Variants in SECISBP2 observed in about 807,000 individuals in gnomAD.
SECISBP2 encodes the protein selenocysteine insertion sequence-binding protein 2.
SECISBP2 carries 96 observed loss-of-function variants against 98.2 expected under a neutral mutation model. The ratio of observed to expected loss-of-function variants is 0.98; its 90% CI spans 0.83 to 1.16. The LOEUF (loss-of-function observed/expected upper bound fraction) is 1.16. Ranked by LOEUF, SECISBP2 falls within the 50% of genes most tolerant of loss-of-function variation. The pLI, the probability that SECISBP2 is intolerant of heterozygous loss-of-function variation, is 0.00. For synonymous variants in SECISBP2, 407 were observed against 370.2 expected (o/e 1.10, Z -1.14); for missense variants, 1,046 against 1,022.9 (o/e 1.02, Z -0.31).
At chr9:89,344,644 GT>G (rs1217038202) in intron 10 of SECISBP2, among the ~76,000 whole-genome samples, 2 of 151,982 alleles carry the variant, frequency 1.3e-5, no homozygotes, top group Admixed American at 6.6e-5. Flanking sequence ...GGTGTTAAAT[GT>G]TTTTAGAGTA....
At chr9:89,363,740 C>T, downstream of SECISBP2, 1 of 1,611,528 alleles carries the variant, frequency 6.2e-7, no homozygotes, top group Non-Finnish European at 8.5e-7. Flanking sequence ...GAATCACTTA[C>T]CAGGTCTCAT....
chr9:89,364,258 G>A (rs1833229287), downstream of SECISBP2: 7 of 452,348 alleles, frequency 1.5e-5, no homozygotes, highest in Non-Finnish European at 2.8e-5. Context: ...CTTACAGAAT[G>A]GTTCTGGGCC....
intron 14 of SECISBP2, chr9:89,354,904 T>C: frequency 1.0e-6 from 1 of 985,436 alleles, no homozygotes; most frequent in African/African-American, 1.7e-5. Context: ...GATTTCACTG[T>C]AAGTATACCT....
At chr9:89,339,829 A>T in intron 8 of SECISBP2, 35 bp from the exon 9 acceptor site, 2 of 1,474,600 alleles carry the variant, frequency 1.4e-6, no homozygotes, top group Non-Finnish European at 1.9e-6. Flanking sequence ...TGTTTGCATT[A>T]ACAAAAGAGC....
In SECISBP2 at chr9:89,355,324, C is replaced by G. The variant is rs1042504680; in HGVS notation, c.2114-2087C>G. ...TACAATGCTGTGTGCCTTGGTAACTCGAAAGCATATGCTGTGCCTTCCTCC... is the reference window on the plus strand; with the variant it reads ...TACAATGCTGTGTGCCTTGGTAACTGGAAAGCATATGCTGTGCCTTCCTCC... On this transcript the variant is annotated intron_variant, in intron 14 of 16. Coordinates refer to ENST00000375807, the MANE Select transcript of SECISBP2 (RefSeq NM_024077.5). The G allele has an allele frequency of 8.1e-6, 8 of 985,296 alleles. No homozygotes were observed. In the South Asian group the frequency reaches 2.3e-4, roughly 29 times the overall value. The allele number at this position is 985,296 out of a possible 1,614,324, so 61.0% of individuals were successfully genotyped here. A position where few individuals can be genotyped will look rare whatever the true frequency, so the allele number is the denominator to read the frequency against.
At chr9:89,326,728 T>C (rs1450596481) in intron 4 of SECISBP2, among the ~76,000 whole-genome samples, 1 of 152,218 alleles carries the variant, frequency 6.6e-6, no homozygotes, top group African/African-American at 2.4e-5. Flanking sequence ...AGAGTGTACT[T>C]ACACAGACCT....
At chr9:89,335,338 A>G (rs1004590196) in intron 7 of SECISBP2, among the ~76,000 whole-genome samples, 1 of 151,718 alleles carries the variant, frequency 6.6e-6, no homozygotes, top group Non-Finnish European at 1.5e-5. Flanking sequence ...GTGCCACTGA[A>G]TAGTCTTTGT....
Position 89,348,201 on chromosome 9 carries a change from G to C in SECISBP2, c.1725G>C (p.Gln575His). The C allele has an allele frequency of 6.2e-7, 1 of 1,614,226 alleles. No homozygotes were observed. The change falls in exon 12 of 17, where the codon CAG becomes CAC. Residue 575 changes from glutamine (Q) to histidine (H), a missense_variant. Coordinates refer to ENST00000375807, the MANE Select transcript of SECISBP2 (RefSeq NM_024077.5). ...ESGGDDQFPE[Q>H]AELSGPEGMD... ...GTGGTGATGACCAGTTTCCCGAGCA[G>C]GCAGAGCTGTCAGGTACCAACTTCT...
chr9:89,357,536 G>A lies in SECISBP2; in HGVS notation c.2239G>A (p.Val747Met). ...GAATAAGGCAGTTCCTGTCAGTGTG[G>A]TGGGGATCTTCAGCTATGATGGGGC... ...SLNKAVPVSV[V>M]GIFSYDGAQD... The change falls in exon 15 of 17, where the codon GTG (valine) becomes ATG (methionine). Residue 747 changes from valine to methionine, a missense_variant. Transcript: ENST00000375807. 1 of 1,614,090 alleles carries A rather than the reference G, an allele frequency of 6.2e-7. No homozygotes were observed. Among genetic ancestry groups the A allele is most frequent in the Non-Finnish European group, 8.5e-7 (1 of 1,180,040 alleles).
At chr9:89,343,400 A>T (rs1267874491) in intron 10 of SECISBP2, among the ~76,000 whole-genome samples, 1 of 152,056 alleles carries the variant, frequency 6.6e-6, no homozygotes, top group Non-Finnish European at 1.5e-5. Flanking sequence ...TTTGTTATAT[A>T]GGTAAACTTG....
At position 89,348,221 on chromosome 9, in the gene SECISBP2, A is replaced by G. The variant is rs146762775; in HGVS notation, c.1738+7A>G. The stretch of plus-strand genomic sequence containing the variant: ...GAGCAGGCAGAGCTGTCAGGTACCA[A>G]CTTCTCTTTGTGCCTTAAGAATAAT... On this transcript the variant is annotated splice_region_variant and intron_variant, in intron 12 of 16. Transcript: ENST00000375807. The G allele has an allele frequency of 1.9e-5, 31 of 1,614,046 alleles. No individual in the cohort carries two copies. The highest frequency in any genetic ancestry group is 1.6e-4 in the Middle Eastern group (1 of 6,084).
chr9:89,328,564 A>G (rs1182323996), intron 4 of SECISBP2, 96 bp from the exon 5 acceptor site: 1 of 878,492 alleles, frequency 1.1e-6, no homozygotes, highest in Admixed American at 1.9e-5. Context: ...TGTTGCATCA[A>G]TAGCAATAGT....
downstream of SECISBP2, chr9:89,362,362 G>C (rs1475907562): frequency 3.1e-6 from 5 of 1,614,116 alleles, no homozygotes; most frequent in Non-Finnish European, 1.7e-6. Context: ...GCAGGGTCTT[G>C]TTGGGGTTGA....
chr9:89,356,046 G>T (rs186860995), intron 14 of SECISBP2, among the ~76,000 whole-genome samples: 25 of 152,208 alleles, frequency 1.6e-4, no homozygotes, highest in Admixed American at 1.4e-3. Context: ...TTTAAAGCAG[G>T]CGTCCCCAAC....
intron 14 of SECISBP2, chr9:89,357,064 C>T (rs1216924726): frequency 2.8e-6 from 1 of 361,904 alleles, no homozygotes; most frequent in African/African-American, 2.1e-5. Flanking sequence ...AGAAACTTAA[C>T]CTTTCTGTGC....
intron 14 of SECISBP2, among the ~76,000 whole-genome samples, chr9:89,351,219 C>A (rs968687654): frequency 2.0e-5 from 3 of 152,178 alleles, no homozygotes; most frequent in African/African-American, 7.2e-5. Context: ...CTACCTAGGG[C>A]TTTCATCTAC....
At position 89,338,552 on chromosome 9, in the gene SECISBP2, T is replaced by C. The variant is rs137899030; in HGVS notation, c.1184T>C (p.Leu395Pro). 4 of 1,612,816 alleles carry C rather than the reference T, an allele frequency of 2.5e-6. No homozygotes were observed. The African/African-American group carries it at 5.3e-5, about 22-fold the overall frequency. Residue 395 changes from leucine (L) to proline (P), a missense_variant, in exon 8 of 17, where the codon CTG becomes CCG. Transcript: ENST00000375807. Reference protein sequence around the residue: ...KEKSTSKYEVLTVQEPPRIED... With the variant: ...KEKSTSKYEVPTVQEPPRIED... ...AAATCTACATCAAAATATGAAGTCC[T>C]GACAGTTCAAGAGCCTCCAAGGATT...
chr9:89,338,558 T>A lies in SECISBP2; in HGVS notation c.1190T>A (p.Val397Asp). The A allele has an allele frequency of 6.2e-7, 1 of 1,612,610 alleles. No individual in the cohort carries two copies. Among genetic ancestry groups the A allele is most frequent in the Non-Finnish European group, 8.5e-7 (1 of 1,179,600 alleles). ...KSTSKYEVLT[V>D]QEPPRIEDAE... ...ACATCAAAATATGAAGTCCTGACAG[T>A]TCAAGAGCCTCCAAGGATTGAAGTA... Residue 397 changes from valine to aspartate, a missense_variant, in exon 8 of 17, where the codon GTT (valine) becomes GAT (aspartate). Val to Asp is a radical substitution (Grantham distance 152, BLOSUM62 -3). Coordinates refer to ENST00000375807, the MANE Select transcript of SECISBP2 (RefSeq NM_024077.5).
chr9:89,348,802 T>C (rs903978534), intron 12 of SECISBP2, among the ~76,000 whole-genome samples: 1 of 152,266 alleles, frequency 6.6e-6, no homozygotes, highest in Non-Finnish European at 1.5e-5. Context: ...AACTGTGTGT[T>C]ACGTGCTGCT....
Sources: gnomAD v4.1 joint callset for allele counts (sites outside exome capture counted in the v4.1 genomes callset) on GRCh38, gnomAD v4.1.1 for gene constraint, MANE v1.5 for transcripts, NCBI Gene and HGNC (gene_info 2026-07-23, HGNC 2026-07-21) for gene names.